The following AGBL1 variants were observed in gnomAD, a reference collection of about 807,000 sequenced individuals.
The protein encoded by AGBL1 is AGBL carboxypeptidase 1.
Under a neutral mutation model 118.9 loss-of-function variants are expected in AGBL1, and 130 were observed. That is an observed-to-expected ratio of 1.09 (90% CI 0.95 to 1.26). AGBL1 has a LOEUF of 1.26. Ranked by LOEUF, AGBL1 falls within the 50% of genes most tolerant of loss-of-function variation. The probability of loss-of-function intolerance (pLI) is 0.00; values close to 1 mark genes in which losing one functional copy is unlikely to be tolerated. For synonymous variants in AGBL1, 555 were observed against 478.9 expected (o/e 1.16, Z -2.08); for missense variants, 1,584 against 1,298.1 (o/e 1.22, Z -3.38).
chr15:86,600,478 G>T (rs1044938244), intron 21 of AGBL1, among the ~76,000 whole-genome samples: 6 of 152,144 alleles, frequency 3.9e-5, no homozygotes, highest in Non-Finnish European at 7.4e-5. Context: ...TCTGATAACT[G>T]CCATGTGGCA....
At chr15:86,263,389 C>G (rs534932098) in intron 10 of AGBL1, among the ~76,000 whole-genome samples, 1 of 152,148 alleles carries the variant, frequency 6.6e-6, no homozygotes, top group Non-Finnish European at 1.5e-5. Flanking sequence ...GTAAGCACAC[C>G]CTATGATGTT....
chr15:86,616,189 T>C (rs1321516063), intron 21 of AGBL1, among the ~76,000 whole-genome samples: 2 of 151,516 alleles, frequency 1.3e-5, no homozygotes, highest in African/African-American at 2.4e-5. Flanking sequence ...GTACAGAAAT[T>C]AGCTGGGCAT....
At chr15:86,109,096 A>G (rs1480191050) in intron 1 of AGBL1, among the ~76,000 whole-genome samples, 3 of 152,212 alleles carry the variant, frequency 2.0e-5, no homozygotes, top group African/African-American at 7.2e-5. Context: ...TGAAAGTATA[A>G]AATGAAAGGA....
At chr15:87,003,892 T>C (rs1176056275) in intron 24 of AGBL1, among the ~76,000 whole-genome samples, 1 of 152,130 alleles carries the variant, frequency 6.6e-6, no homozygotes, top group Non-Finnish European at 1.5e-5. Flanking sequence ...GTCTATCAAT[T>C]TGTTGATCTT....
At chr15:86,097,433 C>G (rs560761950) in intron 1 of AGBL1, among the ~76,000 whole-genome samples, 2 of 151,962 alleles carry the variant, frequency 1.3e-5, no homozygotes, top group Non-Finnish European at 2.9e-5. Flanking sequence ...TATGCTTGTA[C>G]ATATTAATCA....
intron 20 of AGBL1, among the ~76,000 whole-genome samples, chr15:86,551,380 A>C (rs1288984200): frequency 6.6e-6 from 1 of 152,154 alleles, no homozygotes. Context: ...ACAAGTTACC[A>C]AAATTGGGAT....
chr15:86,700,634 C>T (rs1016646921), intron 22 of AGBL1, among the ~76,000 whole-genome samples: 4 of 152,004 alleles, frequency 2.6e-5, no homozygotes, highest in African/African-American at 9.7e-5. Flanking sequence ...TTGCAATTTT[C>T]AGCTGGTGAA....
chr15:86,089,422 G>T (rs567951762), intron 1 of AGBL1, among the ~76,000 whole-genome samples: 47 of 152,286 alleles, frequency 3.1e-4, no homozygotes, highest in Admixed American at 1.7e-3. Flanking sequence ...AGATGTGGAG[G>T]TTTAGAGAAG....
intron 23 of AGBL1, among the ~76,000 whole-genome samples, chr15:86,931,636 C>T (rs2080606481): frequency 6.9e-6 from 1 of 144,048 alleles, no homozygotes; most frequent in Admixed American, 7.0e-5. Flanking sequence ...TTGATCAATT[C>T]CATGCTAACA....
At chr15:86,260,514 C>T (rs1343377618) in intron 9 of AGBL1, among the ~76,000 whole-genome samples, 1 of 152,122 alleles carries the variant, frequency 6.6e-6, no homozygotes, top group Non-Finnish European at 1.5e-5. Flanking sequence ...TTCAAGCTCT[C>T]CCTTCCTTCT....
chr15:86,553,938 G>A (rs1360339518), intron 20 of AGBL1, among the ~76,000 whole-genome samples: 1 of 151,894 alleles, frequency 6.6e-6, no homozygotes, highest in African/African-American at 2.4e-5. Flanking sequence ...TCAGCACACT[G>A]CAACCTCCAT....
At chr15:86,289,447 A>G (rs968026603) in intron 16 of AGBL1, among the ~76,000 whole-genome samples, 1 of 152,214 alleles carries the variant, frequency 6.6e-6, no homozygotes, top group African/African-American at 2.4e-5. Flanking sequence ...ATTGTTTCCT[A>G]CATAACAGAT....
At chr15:86,543,085 A>T (rs528307107) in intron 19 of AGBL1, among the ~76,000 whole-genome samples, 2 of 152,294 alleles carry the variant, frequency 1.3e-5, no homozygotes, top group East Asian at 1.9e-4. Flanking sequence ...ATGTGTTCTT[A>T]GAGCTTCCTA....
chr15:86,947,941 T>G (rs2080842611), intron 23 of AGBL1, among the ~76,000 whole-genome samples: 1 of 152,238 alleles, frequency 6.6e-6, no homozygotes, highest in South Asian at 2.1e-4. Context: ...ACATTAATTA[T>G]CTGCTTTAGC....
intron 23 of AGBL1, among the ~76,000 whole-genome samples, chr15:86,929,384 A>G (rs1025005244): frequency 2.6e-5 from 4 of 152,140 alleles, no homozygotes; most frequent in Admixed American, 6.6e-5. Flanking sequence ...TCTTTCCTCA[A>G]CCTCTGGACA....
At chr15:86,536,261 G>T (rs1366900860) in intron 19 of AGBL1, among the ~76,000 whole-genome samples, 3 of 152,160 alleles carry the variant, frequency 2.0e-5, no homozygotes, top group African/African-American at 7.2e-5. Flanking sequence ...TCTCAACAGT[G>T]TCTTCAATGT....
At chr15:86,124,346 A>C (rs1423655068) in intron 1 of AGBL1, among the ~76,000 whole-genome samples, 1 of 149,632 alleles carries the variant, frequency 6.7e-6, no homozygotes, top group African/African-American at 2.5e-5. Flanking sequence ...AAAAAAAAAA[A>C]ACAAAGAAAA....
intron 23 of AGBL1, among the ~76,000 whole-genome samples, chr15:86,926,971 C>T (rs545706183): frequency 6.6e-5 from 10 of 152,032 alleles, no homozygotes; most frequent in African/African-American, 2.4e-4. Context: ...TAACCCGTCT[C>T]TACTAAAAAT....
chr15:86,966,042 A>T (rs2570119), intron 23 of AGBL1, among the ~76,000 whole-genome samples: 109,130 of 151,792 alleles, frequency 0.72, 40,095 homozygotes, highest in South Asian at 0.91. Flanking sequence ...TAGACAGTTT[A>T]TCTTAGGTAA....
Sources: gnomAD v4.1 joint callset for allele counts (sites outside exome capture counted in the v4.1 genomes callset) on GRCh38, gnomAD v4.1.1 for gene constraint, MANE v1.5 for transcripts, NCBI Gene and HGNC (gene_info 2026-07-23, HGNC 2026-07-21) for gene names.